The following RFX8 variants were observed in gnomAD, a reference collection of about 807,000 sequenced individuals.
RFX8 encodes regulatory factor X8.
RFX8 carries 46 observed loss-of-function variants against 54.6 expected under a neutral mutation model. The observed-to-expected ratio is 0.84, with a 90% CI of 0.67 to 1.08. RFX8 has a LOEUF of 1.08. Among genes scored for constraint, RFX8 ranks in the 50% least tolerant of loss-of-function variants. The pLI is 0.00. For synonymous variants in RFX8, 192 were observed against 209.5 expected (o/e 0.92, Z 0.72); for missense variants, 536 against 562.3 (o/e 0.95, Z 0.47).
intron 2 of RFX8, among the ~76,000 whole-genome samples, chr2:101,445,933 G>T (rs1379247102): frequency 6.6e-6 from 1 of 152,056 alleles, no homozygotes; most frequent in Non-Finnish European, 1.5e-5. Context: ...TTTATTTTGA[G>T]ACCTAATTTT....
Position 101,421,483 on chromosome 2 carries a change from C to A in RFX8, c.237+241G>T, listed in dbSNP as rs1325582035. 7 of 1,193,372 alleles carry A rather than the reference C, an allele frequency of 5.9e-6. No homozygotes were observed. The African/African-American group carries it at 9.5e-5, about 16-fold the overall frequency. The allele number at this position is 1,193,372 out of a possible 1,614,324, so 73.9% of individuals were successfully genotyped here. ...AAAATAGCTGAATTTGTATTTAGAG[C>A]CTAAAGTTATCTGTATTAGCACCTT... On this transcript the variant is annotated intron_variant, in intron 4 of 11. Coordinates refer to ENST00000428343, the MANE Select transcript of RFX8 (RefSeq NM_001145664.2).
chr2:101,464,487 G>A (rs1267622704), intron 2 of RFX8, among the ~76,000 whole-genome samples: 1 of 152,218 alleles, frequency 6.6e-6, no homozygotes, highest in African/African-American at 2.4e-5. Flanking sequence ...GGGGAGGAGG[G>A]AGGAAGTGAG....
intron 1 of RFX8, among the ~76,000 whole-genome samples, chr2:101,469,667 G>A (rs1016401896): frequency 4.6e-5 from 7 of 152,058 alleles, no homozygotes; most frequent in Non-Finnish European, 7.4e-5. Flanking sequence ...TCCTTAAAAT[G>A]AACTCTAGTT....
chr2:101,418,175 C>T (rs1401844017), intron 5 of RFX8, among the ~76,000 whole-genome samples: 2 of 152,184 alleles, frequency 1.3e-5, no homozygotes, highest in East Asian at 3.9e-4. Flanking sequence ...CAAGCATGAG[C>T]CACTGCTCCC....
chr2:101,434,240 T>C (rs1687648068), intron 2 of RFX8, among the ~76,000 whole-genome samples: 1 of 152,086 alleles, frequency 6.6e-6, no homozygotes, highest in Non-Finnish European at 1.5e-5. Context: ...CAAAAAAAAA[T>C]GTACACAAGA....
At chr2:101,422,977 C>T (rs1354945702) in intron 2 of RFX8, among the ~76,000 whole-genome samples, 1 of 152,046 alleles carries the variant, frequency 6.6e-6, no homozygotes, top group Non-Finnish European at 1.5e-5. Flanking sequence ...CAATTACAGG[C>T]CCGGGCATGG....
At chr2:101,468,306 C>T (rs772373003) in intron 1 of RFX8, among the ~76,000 whole-genome samples, 1 of 152,112 alleles carries the variant, frequency 6.6e-6, no homozygotes. Flanking sequence ...TGAGGGAGAC[C>T]CTGCTCGATA....
At chr2:101,430,096 C>T (rs371057415) in intron 2 of RFX8, among the ~76,000 whole-genome samples, 9 of 152,308 alleles carry the variant, frequency 5.9e-5, no homozygotes, top group African/African-American at 1.9e-4. Context: ...TGGACACGAA[C>T]CCACTAGAAA....
At chr2:101,442,004 G>A (rs1170339059) in intron 2 of RFX8, among the ~76,000 whole-genome samples, 1 of 152,064 alleles carries the variant, frequency 6.6e-6, no homozygotes, top group African/African-American at 2.4e-5. Context: ...TTGCCTTTCT[G>A]AGGATTAAAC....
At chr2:101,400,983 G>A (rs992250785) in intron 11 of RFX8, among the ~76,000 whole-genome samples, 4 of 152,192 alleles carry the variant, frequency 2.6e-5, no homozygotes, top group East Asian at 1.9e-4. Flanking sequence ...TCCTGAAAGC[G>A]CCTTAGCTGC....
Position 101,410,619 on chromosome 2 carries a change from C to A in RFX8, c.813G>T (p.Gln271His). ...TTTTTTTTAAGTCACAGCTTCCTACCTGGAACACAAATGCTTGGAGATGTG... is the reference window on the plus strand; with the variant it reads ...TTTTTTTTAAGTCACAGCTTCCTACATGGAACACAAATGCTTGGAGATGTG... The part of the protein sequence containing the change: ...LSSHLQAFVF[Q>H]TSRSKEEFTK... The change falls in exon 9 of 12, where the codon CAG becomes CAT. Residue 271 changes from glutamine (Q) to histidine (H), a missense_variant and splice_region_variant. Physicochemically the swap from Gln to His is conservative, Grantham distance 24. Coordinates refer to ENST00000428343, the MANE Select transcript of RFX8 (RefSeq NM_001145664.2). 1 of 1,495,470 alleles carries A rather than the reference C, an allele frequency of 6.7e-7. No homozygotes were observed. The highest frequency in any genetic ancestry group is 9.1e-7 in the Non-Finnish European group (1 of 1,101,514). The allele number at this position is 1,495,470 out of a possible 1,614,324, so 92.6% of individuals were successfully genotyped here.
chr2:101,469,706 TGAC>T (rs1324894517), intron 1 of RFX8, among the ~76,000 whole-genome samples: 1 of 152,184 alleles, frequency 6.6e-6, no homozygotes, highest in East Asian at 1.9e-4. Context: ...TTCTTTCCTG[TGAC>T]AGACGCTCAT....
intron 2 of RFX8, among the ~76,000 whole-genome samples, chr2:101,427,246 G>A (rs1157998054): frequency 6.6e-6 from 1 of 152,128 alleles, no homozygotes; most frequent in East Asian, 1.9e-4. Context: ...CATGGCAAAG[G>A]GACCTTGCAG....
chr2:101,448,358 A>G (rs912898227), intron 2 of RFX8, among the ~76,000 whole-genome samples: 4 of 152,162 alleles, frequency 2.6e-5, no homozygotes, highest in Admixed American at 1.3e-4. Context: ...AGCTCCATGC[A>G]TGCCTGTACA....
intron 2 of RFX8, among the ~76,000 whole-genome samples, chr2:101,448,594 G>A (rs535779417): frequency 1.0e-3 from 155 of 152,126 alleles, no homozygotes; most frequent in African/African-American, 3.4e-3. Context: ...TCTGACACTC[G>A]TCATATTATA....
rs1455008431 is a variant in RFX8 at position 101,431,960 on chromosome 2, T to C, written c.73-9488A>G. On this transcript the variant is annotated intron_variant, in intron 2 of 11. Coordinates refer to ENST00000428343, the MANE Select transcript of RFX8 (RefSeq NM_001145664.2). Reference sequence around the variant, plus strand: ...AGGAATCCTCACTGGGAGAGCTATGTTACCTTTTAGCATTTAATTGGGAGA... The same window carrying C: ...AGGAATCCTCACTGGGAGAGCTATGCTACCTTTTAGCATTTAATTGGGAGA... 2.0e-5 allele frequency among the ~76,000 whole-genome samples: 3 copies of C among 152,150 alleles called. No homozygotes were observed. In the South Asian group the frequency reaches 6.2e-4, roughly 32 times the overall value.
chr2:101,397,632 A>C lies in RFX8; in HGVS notation c.1338T>G (p.Asp446Glu). The stretch of plus-strand genomic sequence containing the variant: ...ATATCTGAATCACAAATTGTTGTCC[A>C]TCTTTTAGGGTTATGAGGGCTTCTT... ...MGQEALITLK[D>E]GQQFVIQISD... is the part of the protein sequence containing the mutation. The change falls in exon 12 of 12, where the codon GAT becomes GAG. Residue 446 changes from aspartate to glutamate, a missense_variant. Physicochemically the swap from Asp to Glu is conservative, Grantham distance 45. Coordinates refer to ENST00000428343, the MANE Select transcript of RFX8 (RefSeq NM_001145664.2). 6.4e-7 allele frequency: 1 copy of C among 1,551,468 alleles called. No homozygotes were observed. Among genetic ancestry groups the C allele is most frequent in the Non-Finnish European group, 8.7e-7 (1 of 1,146,862 alleles).
intron 2 of RFX8, among the ~76,000 whole-genome samples, chr2:101,460,200 T>G (rs867173678): frequency 0.046 from 6,956 of 151,972 alleles, 476 homozygotes; most frequent in African/African-American, 0.15. Context: ...TTGAGCTTCC[T>G]GGTGAGGCGA....
chr2:101,418,502 C>T (rs1686668400), intron 5 of RFX8, among the ~76,000 whole-genome samples: 2 of 152,258 alleles, frequency 1.3e-5, no homozygotes, highest in African/African-American at 4.8e-5. Flanking sequence ...CAAAGCAAAA[C>T]AAAACAAAAC....
Sources: gnomAD v4.1 joint callset for allele counts (sites outside exome capture counted in the v4.1 genomes callset) on GRCh38, gnomAD v4.1.1 for gene constraint, MANE v1.5 for transcripts, NCBI Gene and HGNC (gene_info 2026-07-23, HGNC 2026-07-21) for gene names.